Variants in ZFHX3 observed in about 807,000 individuals in gnomAD.
ZFHX3 encodes zinc finger homeobox protein 3.
ZFHX3 carries 42 observed loss-of-function variants against 279.1 expected under a neutral mutation model. That is an observed-to-expected ratio of 0.15 (90% confidence interval 0.12 to 0.19). The LOEUF (loss-of-function observed/expected upper bound fraction) is 0.19, where lower values mean the gene tolerates loss of function less well. ZFHX3 is among the 10% of genes least tolerant of loss of function. The pLI is 1.00. For synonymous variants in ZFHX3, 2,293 were observed against 1,957.8 expected (o/e 1.17, Z -4.52); for missense variants, 4,981 against 4,754.0 (o/e 1.05, Z -1.40).
intron 5 of ZFHX3, among the ~76,000 whole-genome samples, chr16:73,217,110 T>A (rs1033618881): frequency 6.6e-6 from 1 of 152,206 alleles, no homozygotes. Context: ...CGTAATAATG[T>A]TGCTGTTTTC....
rs541532380 is a variant in ZFHX3, at chr16:72,941,090, G to A, written c.3216+9379C>T. Among the ~76,000 whole-genome samples the A allele has an allele frequency of 3.9e-5, 6 of 152,322 alleles. No individual in the cohort carries two copies. The South Asian group carries it at 1.2e-3, about 32-fold the overall frequency. On this transcript the variant is annotated intron_variant, in intron 3 of 9. Coordinates refer to ENST00000268489, the MANE Select transcript of ZFHX3 (RefSeq NM_006885.4). ...TGAACCAGGGGCAGCTTCAACATCTGGCCAAGTTGCTGGTGACCGAACCAG... is the reference window on the plus strand; with the variant it reads ...TGAACCAGGGGCAGCTTCAACATCTAGCCAAGTTGCTGGTGACCGAACCAG...
chr16:73,859,852 G>A (rs971374502), intron 1 of ZFHX3, among the ~76,000 whole-genome samples: 3 of 152,118 alleles, frequency 2.0e-5, no homozygotes, highest in African/African-American at 7.2e-5. Flanking sequence ...AACCTAGCAC[G>A]GTACTGTTTA....
chr16:73,671,209 G>A (rs1042130784), intron 2 of ZFHX3, among the ~76,000 whole-genome samples: 20 of 152,242 alleles, frequency 1.3e-4, no homozygotes, highest in Admixed American at 3.3e-4. Flanking sequence ...GCACAGCAGC[G>A]TGTTATTGAC....
chr16:73,631,927 TCACACACACACACACA>T (rs60955432), intron 2 of ZFHX3, among the ~76,000 whole-genome samples: 6 of 136,728 alleles, frequency 4.4e-5, no homozygotes, highest in Non-Finnish European at 9.3e-5. Flanking sequence ...TCTCTCTCTC[TCACACACACACACACA>T]CACACACACA....
chr16:73,864,118 T>C (rs141693383), intron 1 of ZFHX3, among the ~76,000 whole-genome samples: 107 of 152,360 alleles, frequency 7.0e-4, no homozygotes, highest in African/African-American at 2.4e-3. Flanking sequence ...TAATAGATTA[T>C]TGGCATGTTT....
At chr16:73,324,621 G>T (rs886556927) in intron 3 of ZFHX3, among the ~76,000 whole-genome samples, 1 of 152,184 alleles carries the variant, frequency 6.6e-6, no homozygotes, top group Non-Finnish European at 1.5e-5. Context: ...TTTGAGAATG[G>T]GTGTGGCACC....
chr16:72,847,165 G>C (rs28693857), intron 4 of ZFHX3, among the ~76,000 whole-genome samples: 6,683 of 152,300 alleles, frequency 0.044, 522 homozygotes, highest in African/African-American at 0.15. Flanking sequence ...AAAAGCCATA[G>C]AAAACTATGT....
Position 73,038,193 on chromosome 16 carries a change from A to G in ZFHX3, c.-50+9559T>C, listed in dbSNP as rs143408069. Among the ~76,000 whole-genome samples the G allele has an allele frequency of 3.7e-3, 568 of 152,094 alleles. 3 individuals are homozygous for G. The highest frequency in any genetic ancestry group is 0.013 in the African/African-American group (519 of 41,474). ...CTGAAGCATTAGTCTGTGTGGTGCG[A>G]GAGTCCACGGGGCCCTCGGGATATT... On this transcript the variant is annotated intron_variant, in intron 1 of 9. Coordinates refer to ENST00000268489, the MANE Select transcript of ZFHX3 (RefSeq NM_006885.4).
At chr16:73,188,729 G>T (rs375037881) in intron 5 of ZFHX3, among the ~76,000 whole-genome samples, 1 of 152,134 alleles carries the variant, frequency 6.6e-6, no homozygotes, top group African/African-American at 2.4e-5. Context: ...CAAACCAGAA[G>T]AAAACCTGAG....
intron 1 of ZFHX3, among the ~76,000 whole-genome samples, chr16:73,021,563 G>A (rs1274071221): frequency 6.6e-6 from 1 of 152,124 alleles, no homozygotes; most frequent in Non-Finnish European, 1.5e-5. Context: ...AGGTGTGGTG[G>A]CTCACACCTA....
chr16:72,838,482 T>C (rs1405159863), intron 4 of ZFHX3, among the ~76,000 whole-genome samples: 3 of 152,176 alleles, frequency 2.0e-5, no homozygotes, highest in Non-Finnish European at 2.9e-5. Flanking sequence ...AGAGAGCCTG[T>C]TACGAGTCCA....
chr16:73,154,268 G>T (rs1967018829), intron 5 of ZFHX3, among the ~76,000 whole-genome samples: 1 of 152,170 alleles, frequency 6.6e-6, no homozygotes, highest in South Asian at 2.1e-4. Flanking sequence ...AGATCTCAGT[G>T]TTGTCTTAAT....
chr16:73,603,913 G>A (rs996175813), intron 2 of ZFHX3, among the ~76,000 whole-genome samples: 4 of 151,396 alleles, frequency 2.6e-5, no homozygotes, highest in Non-Finnish European at 5.9e-5. Flanking sequence ...CAAGTAGGTA[G>A]GATTACAGGC....
At chr16:73,578,914 C>T (rs150407043) in intron 2 of ZFHX3, among the ~76,000 whole-genome samples, 117 of 152,230 alleles carry the variant, frequency 7.7e-4, no homozygotes, top group South Asian at 2.3e-3. Context: ...CTCTCCTCTC[C>T]GCCAGGGGCA....
At chr16:73,380,504 A>G (rs1356997796) in intron 3 of ZFHX3, among the ~76,000 whole-genome samples, 3 of 152,210 alleles carry the variant, frequency 2.0e-5, no homozygotes, top group Non-Finnish European at 2.9e-5. Flanking sequence ...ATATATCTGA[A>G]TACCTAGAAA....
chr16:73,183,427 T>C (rs540829482), intron 5 of ZFHX3, among the ~76,000 whole-genome samples: 3 of 152,210 alleles, frequency 2.0e-5, no homozygotes, highest in African/African-American at 7.2e-5. Context: ...TGGAGAATGA[T>C]CCTGGCTTGC....
Position 72,900,129 on chromosome 16 carries a change from C to T in ZFHX3, c.3217-10167G>A, listed in dbSNP as rs572725030. The stretch of plus-strand genomic sequence containing the variant: ...CCCAGATCCAAAGCTTAAGCCCATG[C>T]CCTTGCCAAAAAAAAAAAAAAAAAA... On this transcript the variant is annotated intron_variant, in intron 3 of 9. Coordinates refer to ENST00000268489, the MANE Select transcript of ZFHX3 (RefSeq NM_006885.4). Among the ~76,000 whole-genome samples the T allele has an allele frequency of 4.3e-3, 556 of 130,556 alleles. 16 individuals are homozygous for T. Among genetic ancestry groups the T allele is most frequent in the Non-Finnish European group, 9.3e-4 (59 of 63,772 alleles). 85.6% of individuals were successfully genotyped at this position (130,556 alleles called of 152,430 possible). A position where few individuals can be genotyped will look rare whatever the true frequency, so the allele number is the denominator to read the frequency against.
intron 8 of ZFHX3, among the ~76,000 whole-genome samples, chr16:73,078,558 A>G (rs974045392): frequency 6.6e-6 from 1 of 152,144 alleles, no homozygotes; most frequent in Non-Finnish European, 1.5e-5. Context: ...TTGGTCTACC[A>G]TGCCAATTCC....
chr16:72,961,432 C>A (rs1961573447), intron 1 of ZFHX3, among the ~76,000 whole-genome samples: 3 of 152,324 alleles, frequency 2.0e-5, no homozygotes, highest in Admixed American at 2.0e-4. Context: ...TCCGTCTGGC[C>A]CTGCTCCTAC....
Sources: allele counts gnomAD v4.1 joint callset (sites outside exome capture counted in the v4.1 genomes callset), GRCh38; gene constraint gnomAD v4.1.1; transcripts MANE v1.5; gene names NCBI Gene and HGNC (gene_info 2026-07-23, HGNC 2026-07-21).